The following TTC29 variants were observed in gnomAD, a reference collection of about 807,000 sequenced individuals.
The protein encoded by TTC29 is tetratricopeptide repeat protein 29.
TTC29 carries 49 observed loss-of-function variants against 58.1 expected under a neutral mutation model. The ratio of observed to expected loss-of-function variants is 0.84; its 90% CI spans 0.67 to 1.07. TTC29 has a LOEUF of 1.07. TTC29 is among the 50% of genes least tolerant of loss of function. The pLI is 0.00. For synonymous variants in TTC29, 209 were observed against 196.8 expected, an observed-to-expected ratio of 1.06 and a Z score of -0.52; for missense variants, 582 against 555.6, an observed-to-expected ratio of 1.05 and a Z score of -0.48.
At chr4:146,725,525 A>G (rs1743719929) in intron 11 of TTC29, among the ~76,000 whole-genome samples, 1 of 152,106 alleles carries the variant, frequency 6.6e-6, no homozygotes, top group South Asian at 2.1e-4. Flanking sequence ...TGACAGAGTG[A>G]TACCTTGTTT....
intron 11 of TTC29, among the ~76,000 whole-genome samples, chr4:146,782,605 T>C (rs1748704480): frequency 6.6e-6 from 1 of 151,946 alleles, no homozygotes; most frequent in African/African-American, 2.4e-5. Context: ...AAGTAGATGA[T>C]AGTGACTGAT....
intron 9 of TTC29, among the ~76,000 whole-genome samples, chr4:146,827,135 G>A (rs1579771752): frequency 6.6e-6 from 1 of 151,970 alleles, no homozygotes; most frequent in Non-Finnish European, 1.5e-5. Flanking sequence ...ATCCATGTCT[G>A]TGCCCACATC....
intron 11 of TTC29, among the ~76,000 whole-genome samples, chr4:146,736,509 A>G (rs1744718506): frequency 6.6e-6 from 1 of 152,106 alleles, no homozygotes; most frequent in African/African-American, 2.4e-5. Context: ...CTAGACAGAA[A>G]CCAGTAAGAT....
At chr4:146,730,801 G>C (rs754224389) in intron 11 of TTC29, among the ~76,000 whole-genome samples, 1 of 152,192 alleles carries the variant, frequency 6.6e-6, no homozygotes, top group African/African-American at 2.4e-5. Context: ...TCAGTTGAAG[G>C]TGGGACTGGA....
intron 8 of TTC29, among the ~76,000 whole-genome samples, chr4:146,835,053 T>G (rs1728416836): frequency 6.6e-6 from 1 of 152,194 alleles, no homozygotes; most frequent in African/African-American, 2.4e-5. Flanking sequence ...AACTAATAAA[T>G]AAAAACATAT....
chr4:146,715,909 C>T (rs1333904797), intron 11 of TTC29, among the ~76,000 whole-genome samples: 1 of 151,972 alleles, frequency 6.6e-6, no homozygotes, highest in Non-Finnish European at 1.5e-5. Context: ...AATGTGTCAA[C>T]TAAAAATAAA....
At chr4:146,862,423 A>G (rs1730294622) in intron 8 of TTC29, among the ~76,000 whole-genome samples, 1 of 152,146 alleles carries the variant, frequency 6.6e-6, no homozygotes, top group African/African-American at 2.4e-5. Context: ...TGGATCACTT[A>G]TGTAACATCG....
chr4:146,897,363 A>C (rs552741582), intron 6 of TTC29, among the ~76,000 whole-genome samples: 1 of 152,294 alleles, frequency 6.6e-6, no homozygotes, highest in South Asian at 2.1e-4. Flanking sequence ...CAAGGCAATC[A>C]ATCGTGACCT....
intron 11 of TTC29, among the ~76,000 whole-genome samples, chr4:146,779,004 G>GAAAAAAAAAAAAAAAAAA (rs71592470): frequency 3.8e-5 from 3 of 79,892 alleles, no homozygotes; most frequent in East Asian, 3.6e-4. Flanking sequence ...AAAAAAAAAA[G>GAAAAAAAAAAAAAAAAAA]AAAAGAAAAG....
chr4:146,898,229 G>A (rs1192073635), intron 6 of TTC29, among the ~76,000 whole-genome samples: 5 of 152,204 alleles, frequency 3.3e-5, no homozygotes, highest in Non-Finnish European at 5.9e-5. Flanking sequence ...CGGGAAAGGG[G>A]ACAGTCCCTT....
intron 11 of TTC29, among the ~76,000 whole-genome samples, chr4:146,766,215 C>T (rs760282570): frequency 6.6e-6 from 1 of 151,882 alleles, no homozygotes; most frequent in African/African-American, 2.4e-5. Context: ...AATTATGGAA[C>T]CCCAAGCAGA....
chr4:146,765,691 G>T (rs1347953413), intron 11 of TTC29, among the ~76,000 whole-genome samples: 1 of 152,152 alleles, frequency 6.6e-6, no homozygotes, highest in Admixed American at 6.5e-5. Context: ...GATTTGGGTT[G>T]TAATGTGGCC....
intron 11 of TTC29, among the ~76,000 whole-genome samples, chr4:146,743,163 A>C (rs1389979315): frequency 6.6e-6 from 1 of 152,212 alleles, no homozygotes; most frequent in Non-Finnish European, 1.5e-5. Context: ...TTTTTTTAAA[A>C]AGAAAATATG....
At chr4:146,741,897 G>T (rs1433168744) in intron 11 of TTC29, among the ~76,000 whole-genome samples, 1 of 152,160 alleles carries the variant, frequency 6.6e-6, no homozygotes, top group Non-Finnish European at 1.5e-5. Flanking sequence ...TGCATACCTT[G>T]ATTTTAGAAC....
chr4:146,773,690 G>T (rs1416855027), intron 11 of TTC29, among the ~76,000 whole-genome samples: 1 of 151,840 alleles, frequency 6.6e-6, no homozygotes, highest in Non-Finnish European at 1.5e-5. Flanking sequence ...ATATTGGCCT[G>T]AAGTTTTCTC....
In TTC29 at chr4:146,706,836, A is replaced by G. The variant is rs1227529912; in HGVS notation, c.*322T>C. ...CATGAAAGATTTTCTTAAGCTTGTAATTATTTTCTCATTAGAAAATATTTT... is the reference window on the plus strand; with the variant it reads ...CATGAAAGATTTTCTTAAGCTTGTAGTTATTTTCTCATTAGAAAATATTTT... On this transcript the variant is annotated 3_prime_UTR_variant, in exon 13 of 13. Transcript: ENST00000325106. The G allele has an allele frequency of 5.1e-6, 1 of 196,140 alleles. No homozygotes were observed. Among genetic ancestry groups the G allele is most frequent in the East Asian group, 1.2e-4 (1 of 8,554 alleles). The allele number at this position is 196,140 out of a possible 1,614,324, so 12.1% of individuals were successfully genotyped here.
At chr4:146,785,328 C>G (rs75505859) in intron 11 of TTC29, among the ~76,000 whole-genome samples, 4,224 of 151,744 alleles carry the variant, frequency 0.028, 75 homozygotes, top group Non-Finnish European at 0.044. Flanking sequence ...ATTTTTAATA[C>G]ACTTATTGAG....
chr4:146,779,939 A>G (rs1561117671), intron 11 of TTC29, among the ~76,000 whole-genome samples: 1 of 152,170 alleles, frequency 6.6e-6, no homozygotes, highest in South Asian at 2.1e-4. Flanking sequence ...TCAACACTAC[A>G]TTCAAATAAA....
chr4:146,926,920 C>A (rs1395978325), intron 4 of TTC29, among the ~76,000 whole-genome samples: 1 of 151,714 alleles, frequency 6.6e-6, no homozygotes, highest in Non-Finnish European at 1.5e-5. Flanking sequence ...TTCCTTATGA[C>A]AACCCACATT....
Sources: gnomAD v4.1 joint callset for allele counts (sites outside exome capture counted in the v4.1 genomes callset) on GRCh38, gnomAD v4.1.1 for gene constraint, MANE v1.5 for transcripts, NCBI Gene and HGNC (gene_info 2026-07-23, HGNC 2026-07-21) for gene names.